Variants in BDH1 observed in about 807,000 individuals in gnomAD.
BDH1 encodes the protein 3-hydroxybutyrate dehydrogenase 1, also known as D-beta-hydroxybutyrate dehydrogenase, mitochondrial.
Under a neutral mutation model 33.1 loss-of-function variants are expected in BDH1, and 30 were observed. That is an observed-to-expected ratio of 0.91 (90% confidence interval 0.68 to 1.23). The LOEUF (loss-of-function observed/expected upper bound fraction) is 1.23. BDH1 is among the 50% of genes most tolerant of loss of function. The pLI is 0.00. For missense variants in BDH1, 443 were observed against 464.4 expected, an observed-to-expected ratio of 0.95 and a Z score of 0.42; for synonymous variants, 190 against 183.6, an observed-to-expected ratio of 1.03 and a Z score of -0.28.
At chr3:197,550,753 G>A (rs1387732589) in intron 2 of BDH1, among the ~76,000 whole-genome samples, 1 of 152,038 alleles carries the variant, frequency 6.6e-6, no homozygotes, top group African/African-American at 2.4e-5. Flanking sequence ...TGGAGGTGGA[G>A]GGAGGGAGGG....
chr3:197,518,300 T>TC (rs1271965850), intron 6 of BDH1, among the ~76,000 whole-genome samples: 1 of 6,392 alleles, frequency 1.6e-4, no homozygotes. Flanking sequence ...GGTCTCCATC[T>TC]CCCCTCAGGC....
chr3:197,514,387 T>C lies in BDH1; in HGVS notation c.439A>G (p.Ile147Val), dbSNP rs1485134081. The change falls in exon 7 of 8, where the codon ATC becomes GTC. Residue 147 changes from isoleucine (I) to valine (V), a missense_variant. Coordinates refer to ENST00000392379, the MANE Select transcript of BDH1 (RefSeq NM_203314.3). The surrounding 1 kb of genome is among the most constrained non-coding windows in gnomAD (Gnocchi z 4.2). ...GMWGLVNNAG[I>V]STFGEVEFTS... ...AACTCCACCTCCCCGAACGTTGAGA[T>C]GCCGGCATTGTTAACGAGGCCCCAC... is the stretch of plus-strand genomic sequence containing the variant. 6.2e-7 allele frequency: 1 copy of C among 1,612,066 alleles called. No homozygotes were observed. The highest frequency in any genetic ancestry group is 1.7e-5 in the Admixed American group (1 of 59,790).
intron 1 of BDH1, among the ~76,000 whole-genome samples, chr3:197,572,570 C>G (rs759144561): frequency 6.6e-6 from 1 of 152,100 alleles, no homozygotes; most frequent in African/African-American, 2.4e-5. Context: ...ATAAGCAGCC[C>G]GACCCTCAGT....
chr3:197,548,875 CAAAA>C (rs564233533), intron 2 of BDH1, among the ~76,000 whole-genome samples: 1 of 133,454 alleles, frequency 7.5e-6, no homozygotes, highest in Admixed American at 7.1e-5. Context: ...CAAAAAAAAA[CAAAA>C]AAAACACAAA....
At chr3:197,545,414 C>A (rs961350157) in intron 3 of BDH1, among the ~76,000 whole-genome samples, 13 of 152,272 alleles carry the variant, frequency 8.5e-5, no homozygotes, top group Non-Finnish European at 2.9e-5. Context: ...AATGTACCTC[C>A]TGGCACGACG....
At chr3:197,566,253 G>T (rs1717428441) in intron 1 of BDH1, among the ~76,000 whole-genome samples, 1 of 152,196 alleles carries the variant, frequency 6.6e-6, no homozygotes, top group South Asian at 2.1e-4. Flanking sequence ...AGTTTTGACT[G>T]GAATGGTGTG....
rs561718084 is a variant in BDH1, at chr3:197,520,283, T to C, written c.409+2357A>G. ...TTCAGACCTAAAAGTCTTCAAATCC[T>C]TTTCCAAAAAAAAAAAATGCAGTAT... On this transcript the variant is annotated intron_variant, in intron 6 of 7. Coordinates refer to ENST00000392379, the MANE Select transcript of BDH1 (RefSeq NM_203314.3). The surrounding 1 kb of genome is among the most constrained non-coding windows in gnomAD (Gnocchi z 6.0). 1.3e-5 allele frequency among the ~76,000 whole-genome samples: 2 copies of C among 151,960 alleles called. No individual in the cohort carries two copies. The highest frequency in any genetic ancestry group is 1.5e-5 in the Non-Finnish European group (1 of 67,930).
At chr3:197,542,625 G>A (rs1040415551) in intron 3 of BDH1, among the ~76,000 whole-genome samples, 3 of 149,874 alleles carry the variant, frequency 2.0e-5, no homozygotes, top group African/African-American at 7.5e-5. Context: ...CCGGGTTCAA[G>A]CGATTCTCCC....
intron 5 of BDH1, among the ~76,000 whole-genome samples, chr3:197,531,705 A>G (rs553678366): frequency 2.6e-5 from 4 of 152,284 alleles, no homozygotes; most frequent in Admixed American, 2.6e-4. Flanking sequence ...TTAACTGCCA[A>G]TGGTCAAGAG....
At chr3:197,527,407 G>A (rs1331312975) in intron 5 of BDH1, among the ~76,000 whole-genome samples, 1 of 152,170 alleles carries the variant, frequency 6.6e-6, no homozygotes, top group Admixed American at 6.5e-5. Flanking sequence ...CTGGGTCAGA[G>A]GCACTCATGG....
chr3:197,510,671 TACA>T lies in BDH1; in HGVS notation c.*1221_*1223del, dbSNP rs1711884744. The T allele has an allele frequency of 8.2e-4, 38 of 46,318 alleles. No individual in the cohort carries two copies. The highest frequency in any genetic ancestry group is 1.8e-3 in the South Asian group (3 of 1,632). The allele number at this position is 46,318 out of a possible 1,614,324, so 2.9% of individuals were successfully genotyped here. On this transcript the variant is annotated 3_prime_UTR_variant, in exon 8 of 8. Transcript: ENST00000392379. ...GTGTGTGTGTGTGTGTGTGTGTGTG[TACA>T]TGTGTGTAAGGTGTGTGTGTGTGTG...
chr3:197,560,868 A>G (rs988538677), upstream of BDH1, among the ~76,000 whole-genome samples: 1 of 152,208 alleles, frequency 6.6e-6, no homozygotes, highest in East Asian at 1.9e-4. Context: ...TCAGAAACTC[A>G]AAAGAATGTA....
At chr3:197,561,999 G>T (rs968464942) in intron 1 of BDH1, among the ~76,000 whole-genome samples, 2 of 152,194 alleles carry the variant, frequency 1.3e-5, no homozygotes, top group African/African-American at 4.8e-5. Context: ...TTGGAGTGTT[G>T]TGTTTTCTCT....
intron 3 of BDH1, among the ~76,000 whole-genome samples, chr3:197,541,107 G>C (rs970733921): frequency 6.6e-6 from 1 of 152,156 alleles, no homozygotes; most frequent in East Asian, 1.9e-4. Context: ...CCCCATCTTA[G>C]GGCTGCTTCT....
chr3:197,515,372 G>T, intron 6 of BDH1: 1 of 985,732 alleles, frequency 1.0e-6, no homozygotes, highest in Non-Finnish European at 1.2e-6. Context: ...ACCTCGCTCA[G>T]ATGCTAATGA....
chr3:197,542,512 T>G (rs139365581), intron 3 of BDH1, among the ~76,000 whole-genome samples: 78 of 141,532 alleles, frequency 5.5e-4, no homozygotes, highest in African/African-American at 2.1e-3. Context: ...ACGCTTTCTT[T>G]CTTGCTTGCT....
intron 6 of BDH1, chr3:197,515,753 G>C: frequency 1.0e-6 from 1 of 983,842 alleles, no homozygotes; most frequent in Non-Finnish European, 1.2e-6. Flanking sequence ...GTAATACAAA[G>C]ATTAGCCGGG....
At chr3:197,544,588 C>T (rs1181643848) in intron 3 of BDH1, among the ~76,000 whole-genome samples, 1 of 152,228 alleles carries the variant, frequency 6.6e-6, no homozygotes, top group Non-Finnish European at 1.5e-5. Flanking sequence ...CAAAGCCGAG[C>T]TCCGTCCCCG....
At chr3:197,565,154 T>A (rs1215715031) in intron 1 of BDH1, among the ~76,000 whole-genome samples, 2 of 152,144 alleles carry the variant, frequency 1.3e-5, no homozygotes, top group East Asian at 1.9e-4. Context: ...ACTCCCAACC[T>A]CGGGTGACCC....
Sources: gnomAD v4.1 joint callset for allele counts (sites outside exome capture counted in the v4.1 genomes callset) on GRCh38, gnomAD v4.1.1 for gene constraint, Gnocchi (gnomAD v3.1) non-coding constraint, MANE v1.5 for transcripts, NCBI Gene and HGNC (gene_info 2026-07-23, HGNC 2026-07-21) for gene names.